The following FGD6 variants were observed in gnomAD, a reference collection of about 807,000 sequenced individuals.
The protein encoded by FGD6 is FYVE, RhoGEF and PH domain containing 6.
FGD6 carries 90 observed loss-of-function variants against 149.4 expected under a neutral mutation model. The observed-to-expected ratio is 0.60, with a 90% CI of 0.51 to 0.72. The LOEUF is 0.72. Among genes scored for constraint, FGD6 ranks in the 30% least tolerant of loss-of-function variants. FGD6 has a pLI of 0.00. For missense variants in FGD6, 1,437 were observed against 1,684.8 expected (o/e 0.85, Z 2.57); for synonymous variants, 527 against 584.0 (o/e 0.90, Z 1.41).
chr12:95,203,122 T>C (rs2056671631), intron 2 of FGD6, among the ~76,000 whole-genome samples: 1 of 152,218 alleles, frequency 6.6e-6, no homozygotes, highest in Non-Finnish European at 1.5e-5. Context: ...TAATAGGACT[T>C]GCAGTGTCAT....
Position 95,209,832 on chromosome 12 carries a change from A to T in FGD6, c.1452T>A (p.Ser484=). The change falls in exon 2 of 21, where the codon TCT becomes TCA. Residue 484 remains serine, a synonymous_variant. Transcript: ENST00000343958. ...GTAGAGAATTTTCCTCTTTTATAACAGATTCCTTTTGCATTTGAGGGGCAG... is the reference window on the plus strand; with the variant it reads ...GTAGAGAATTTTCCTCTTTTATAACTGATTCCTTTTGCATTTGAGGGGCAG... ...GVSAPQMQKE[S]VIKEENSLRI... 6.2e-7 allele frequency: 1 copy of T among 1,608,326 alleles called. No homozygotes were observed. Among genetic ancestry groups the T allele is most frequent in the Non-Finnish European group, 8.5e-7 (1 of 1,178,684 alleles).
At chr12:95,089,801 C>A in intron 17 of FGD6, 105 bp from the exon 18 acceptor site, 1 of 1,424,004 alleles carries the variant, frequency 7.0e-7, no homozygotes, top group Non-Finnish European at 9.5e-7. Context: ...TGGAAGGACA[C>A]TAAGAAACAA....
chr12:95,120,120 C>T (rs944674528), intron 8 of FGD6, among the ~76,000 whole-genome samples: 4 of 149,416 alleles, frequency 2.7e-5, no homozygotes, highest in Admixed American at 6.7e-5. Flanking sequence ...TCCCAGCTAC[C>T]CAGGAGGCTG....
rs1877627750 is a variant in FGD6, at chr12:95,080,146, T to G, written c.*1374A>C. The G allele has an allele frequency of 6.6e-6, 1 of 152,118 alleles. No individual in the cohort carries two copies. The highest frequency in any genetic ancestry group is 6.5e-5 in the Admixed American group (1 of 15,280). 9.4% of individuals were successfully genotyped at this position (152,118 alleles called of 1,614,324 possible). ...CTTGTATTTTTAATAGAGATGGGGT[T>G]TCACCATATTGGCCAGGCTGGTCTC... is the stretch of plus-strand genomic sequence containing the variant. On this transcript the variant is annotated 3_prime_UTR_variant, in exon 21 of 21. Transcript: ENST00000343958.
Position 95,210,609 on chromosome 12 carries a change from C to T in FGD6, c.675G>A (p.Leu225=), listed in dbSNP as rs555123595. The part of the protein sequence containing the change: ...NGQFRIEFAD[L]SPSPSSFEKV... ...TTTCAAAGCTGGATGGGGAAGGTGACAAATCCGCAAATTCAATTCTGAATT... is the reference window on the plus strand; with the variant it reads ...TTTCAAAGCTGGATGGGGAAGGTGATAAATCCGCAAATTCAATTCTGAATT... Residue 225 remains leucine, a synonymous_variant, in exon 2 of 21, where the codon TTG becomes TTA. Coordinates refer to ENST00000343958, the MANE Select transcript of FGD6 (RefSeq NM_018351.4). 6.2e-7 allele frequency: 1 copy of T among 1,614,178 alleles called. No homozygotes were observed. Among genetic ancestry groups the T allele is most frequent in the East Asian group, 2.2e-5 (1 of 44,886 alleles).
At chr12:95,087,354 T>C (rs780794879) in intron 18 of FGD6, among the ~76,000 whole-genome samples, 2 of 152,144 alleles carry the variant, frequency 1.3e-5, no homozygotes, top group Non-Finnish European at 2.9e-5. Context: ...GTGAGGGTGA[T>C]AGGATGTCAC....
chr12:95,088,949 A>C (rs1877963878), intron 18 of FGD6, among the ~76,000 whole-genome samples: 1 of 152,222 alleles, frequency 6.6e-6, no homozygotes. Flanking sequence ...TCTGCTGGCC[A>C]CAAAACTAGC....
chr12:95,129,311 G>T (rs9919775), intron 8 of FGD6, among the ~76,000 whole-genome samples: 1 of 105,358 alleles, frequency 9.5e-6, no homozygotes, highest in Non-Finnish European at 2.0e-5. Context: ...ATGCATGCAT[G>T]CATCCATCCA....
At chr12:95,148,464 G>C (rs1336865175) in intron 5 of FGD6, among the ~76,000 whole-genome samples, 1 of 111,754 alleles carries the variant, frequency 8.9e-6, no homozygotes, top group East Asian at 3.4e-4. Flanking sequence ...GTCCATCTTT[G>C]TCTAAAAAAT....
intron 2 of FGD6, among the ~76,000 whole-genome samples, chr12:95,187,888 C>G (rs1284479159): frequency 6.6e-6 from 1 of 152,150 alleles, no homozygotes; most frequent in African/African-American, 2.4e-5. Flanking sequence ...AGAATAACTA[C>G]AGTTTCATGC....
At chr12:95,090,677 T>C (rs191912147) in intron 17 of FGD6, among the ~76,000 whole-genome samples, 1 of 152,334 alleles carries the variant, frequency 6.6e-6, no homozygotes, top group Non-Finnish European at 1.5e-5. Context: ...TTGGAAAATG[T>C]ACACAAATAA....
At chr12:95,163,689 A>G (rs939426286) in intron 3 of FGD6, among the ~76,000 whole-genome samples, 1 of 152,238 alleles carries the variant, frequency 6.6e-6, no homozygotes, top group Non-Finnish European at 1.5e-5. Flanking sequence ...AGCTTTAATC[A>G]CATAAAAGAG....
intron 3 of FGD6, among the ~76,000 whole-genome samples, chr12:95,168,280 A>C (rs1880883218): frequency 6.6e-6 from 1 of 152,234 alleles, no homozygotes; most frequent in Non-Finnish European, 1.5e-5. Context: ...AAGATAAGAA[A>C]AGCCAAGCCA....
At chr12:95,102,466 A>C (rs1190664537) in intron 14 of FGD6, among the ~76,000 whole-genome samples, 4 of 137,430 alleles carry the variant, frequency 2.9e-5, no homozygotes, top group Admixed American at 7.2e-5. Flanking sequence ...AAAAAAAAAA[A>C]ACACAACAAC....
Position 95,084,528 on chromosome 12 carries a change from A to C in FGD6, c.4226T>G (p.Phe1409Cys). 1 of 1,596,546 alleles carries C rather than the reference A, an allele frequency of 6.3e-7. No homozygotes were observed. The highest frequency in any genetic ancestry group is 1.3e-5 in the African/African-American group (1 of 74,108). Residue 1409 changes from phenylalanine (F) to cysteine (C), a missense_variant, in exon 20 of 21, where the codon TTC (phenylalanine) becomes TGC (cysteine). Phe to Cys is a radical substitution (Grantham distance 205). Transcript: ENST00000343958. ...AGCCGAATGAGCATCCTCTGCTTTG[A>C]ATACATAAAATAACATGTTTTTGTG... ...LLHKNMLFYV[F>C]KAEDAHSAQK...
At chr12:95,184,283 G>A (rs185426019) in intron 2 of FGD6, among the ~76,000 whole-genome samples, 1 of 152,264 alleles carries the variant, frequency 6.6e-6, no homozygotes, top group East Asian at 1.9e-4. Context: ...ACTAACATGG[G>A]GGAAAAGGAT....
At chr12:95,113,378 G>A (rs752480672) in intron 9 of FGD6, among the ~76,000 whole-genome samples, 15 of 151,796 alleles carry the variant, frequency 9.9e-5, no homozygotes, top group South Asian at 4.2e-4. Flanking sequence ...GATTACAGAC[G>A]TGCACCATCA....
In FGD6 at chr12:95,211,091, G is replaced by A. The variant is rs925216451; in HGVS notation, c.193C>T (p.Arg65Ter). The change falls in exon 2 of 21, where the codon CGA becomes TGA. Residue 65 changes from arginine to a stop codon, truncating the protein, a stop_gained. Transcript: ENST00000343958. LOFTEE classifies it high-confidence loss of function. The stretch of plus-strand genomic sequence containing the variant: ...CTTGATGGCGACTGCCCAATCTCTC[G>A]AACAGGTGAGGTCTTCAGGACTTTT... The part of the protein sequence containing the change: ...KPKVLKTSPV[R>*]EIGQSPSRKI... 2.5e-6 allele frequency: 4 copies of A among 1,614,156 alleles called. No homozygotes were observed. Among genetic ancestry groups the A allele is most frequent in the South Asian group, 2.2e-5 (2 of 91,070 alleles).
At chr12:95,182,009 T>C (rs1881296398) in intron 2 of FGD6, among the ~76,000 whole-genome samples, 1 of 151,838 alleles carries the variant, frequency 6.6e-6, no homozygotes, top group African/African-American at 2.4e-5. Context: ...ATGATGTTTC[T>C]CTTATTGAAA....
Sources: gnomAD v4.1 joint callset for allele counts (sites outside exome capture counted in the v4.1 genomes callset) on GRCh38, gnomAD v4.1.1 for gene constraint, MANE v1.5 for transcripts, NCBI Gene and HGNC (gene_info 2026-07-23, HGNC 2026-07-21) for gene names.